NFU1: variants seen among roughly 807,000 people sequenced by gnomAD.
The protein encoded by NFU1 is NFU1 iron-sulfur cluster scaffold homolog, mitochondrial.
NFU1 carries 30 observed loss-of-function variants against 32.2 expected under a neutral mutation model. The ratio of observed to expected loss-of-function variants is 0.93; its 90% CI spans 0.70 to 1.26. NFU1 has a LOEUF of 1.26. NFU1 is among the 50% of genes most tolerant of loss of function. The probability of loss-of-function intolerance (pLI) is 0.00; values close to 1 mark genes in which losing one functional copy is unlikely to be tolerated. For synonymous variants in NFU1, 112 were observed against 104.6 expected, an observed-to-expected ratio of 1.07 and a Z score of -0.43; for missense variants, 306 against 306.6, an observed-to-expected ratio of 1.00 and a Z score of 0.02.
chr2:69,432,227 A>T (rs1399750858), intron 1 of NFU1, among the ~76,000 whole-genome samples: 1 of 152,244 alleles, frequency 6.6e-6, no homozygotes, highest in Non-Finnish European at 1.5e-5. Context: ...TCAAATGGAA[A>T]TTCCTACCCT....
chr2:69,409,806 C>A (rs1345793003), intron 5 of NFU1, among the ~76,000 whole-genome samples: 3 of 152,162 alleles, frequency 2.0e-5, no homozygotes, highest in Non-Finnish European at 4.4e-5. Flanking sequence ...GGGCATTCAT[C>A]TACTATTGAG....
At chr2:69,421,163 C>T (rs1673226048) in intron 3 of NFU1, among the ~76,000 whole-genome samples, 1 of 151,868 alleles carries the variant, frequency 6.6e-6, no homozygotes, top group African/African-American at 2.4e-5. Flanking sequence ...AAGATCACGC[C>T]ATCACACTCC....
chr2:69,416,481 A>C (rs1369475198), intron 4 of NFU1, among the ~76,000 whole-genome samples: 2 of 151,252 alleles, frequency 1.3e-5, no homozygotes, highest in African/African-American at 4.9e-5. Flanking sequence ...TCTGTCTTTA[A>C]AGAAGATGAT....
intron 2 of NFU1, among the ~76,000 whole-genome samples, chr2:69,429,490 A>G (rs956636413): frequency 6.6e-6 from 1 of 152,082 alleles, no homozygotes; most frequent in African/African-American, 2.4e-5. Flanking sequence ...GAGCCCAGGC[A>G]GTAGAAAATG....
intron 4 of NFU1, among the ~76,000 whole-genome samples, chr2:69,418,114 G>GT (rs1474995751): frequency 2.1e-5 from 1 of 47,778 alleles, no homozygotes; most frequent in Non-Finnish European, 4.4e-5. Context: ...ACTGAAGAAT[G>GT]GGGGGCTGGA....
upstream of NFU1, chr2:69,437,772 CCCT>C (rs1259121241): frequency 1.8e-5 from 8 of 436,726 alleles, no homozygotes; most frequent in Non-Finnish European, 3.0e-5. Context: ...CTGACCCATT[CCCT>C]CCTCTAGGAC....
upstream of NFU1, among the ~76,000 whole-genome samples, chr2:69,439,252 T>C (rs1351016611): frequency 6.6e-6 from 1 of 152,166 alleles, no homozygotes; most frequent in African/African-American, 2.4e-5. Context: ...TCTGTGCTAC[T>C]GTGTCCGGAA....
At position 69,432,270 on chromosome 2, in the gene NFU1, T is replaced by A. The variant is rs7595167; in HGVS notation, c.63-265A>T. Among the ~76,000 whole-genome samples, 69,163 of 152,002 alleles carry A rather than the reference T, an allele frequency of 0.46. 16,190 individuals carry two copies. Among genetic ancestry groups the A allele is most frequent in the African/African-American group, 0.56 (23,232 of 41,450 alleles). On this transcript the variant is annotated intron_variant, in intron 1 of 7. Coordinates refer to ENST00000410022, the MANE Select transcript of NFU1 (RefSeq NM_001002755.4). The stretch of plus-strand genomic sequence containing the variant: ...CGGGTGTGCACAGGATAATATAACA[T>A]TGAGGTATAAGAAACAGAATTGGGC...
At chr2:69,399,338 C>G (rs1408111393) in intron 7 of NFU1, 1 of 455,116 alleles carries the variant, frequency 2.2e-6, no homozygotes, top group Admixed American at 2.4e-5. Flanking sequence ...AGAATCACTG[C>G]AGTGAGACTC....
At position 69,423,941 on chromosome 2, in the gene NFU1, G is replaced by A. The variant is rs189603762; in HGVS notation, c.167-224C>T. ...TGTAATCCCAGCACTTAGGGAGGCCGAGGCGGGTGGATTACGAGGTCAGGA... is the reference window on the plus strand; with the variant it reads ...TGTAATCCCAGCACTTAGGGAGGCCAAGGCGGGTGGATTACGAGGTCAGGA... On this transcript the variant is annotated intron_variant, in intron 2 of 7. Transcript: ENST00000410022. 3.1e-4 allele frequency among the ~76,000 whole-genome samples: 47 copies of A among 151,826 alleles called. No homozygotes were observed. The East Asian group carries it at 8.7e-3, about 28-fold the overall frequency.
Position 69,419,520 on chromosome 2 carries a change from A to G in NFU1, c.369+18T>C, listed in dbSNP as rs776568167. On this transcript the variant is annotated intron_variant, in intron 4 of 7. Coordinates refer to ENST00000410022, the MANE Select transcript of NFU1 (RefSeq NM_001002755.4). ...TGAAGAGTATTTCAAGTCTTATTTT[A>G]TATAATCCTATGTTTACCTTTGTGA... 3 of 1,405,766 alleles carry G rather than the reference A, an allele frequency of 2.1e-6. No homozygotes were observed. Among genetic ancestry groups the G allele is most frequent in the South Asian group, 1.2e-5 (1 of 83,736 alleles). The allele number at this position is 1,405,766 out of a possible 1,614,324, so 87.1% of individuals were successfully genotyped here. A position where few individuals can be genotyped will look rare whatever the true frequency, so the allele number is the denominator to read the frequency against.
intron 4 of NFU1, among the ~76,000 whole-genome samples, chr2:69,419,292 A>T (rs963781741): frequency 6.6e-6 from 1 of 151,912 alleles, no homozygotes; most frequent in Non-Finnish European, 1.5e-5. Flanking sequence ...GCACCATCAC[A>T]CTCCAGCCTG....
chr2:69,414,541 C>T (rs899385867), intron 5 of NFU1, among the ~76,000 whole-genome samples: 1 of 147,782 alleles, frequency 6.8e-6, no homozygotes, highest in Non-Finnish European at 1.5e-5. Context: ...ACACTTGAAC[C>T]TGGGAGGTGG....
chr2:69,400,827 A>C (rs1387341718), intron 6 of NFU1, among the ~76,000 whole-genome samples: 1 of 152,168 alleles, frequency 6.6e-6, no homozygotes, highest in Non-Finnish European at 1.5e-5. Context: ...GCTCACACCT[A>C]TATTCCCAGC....
chr2:69,436,584 A>G (rs1163007996), intron 1 of NFU1, among the ~76,000 whole-genome samples: 2 of 152,204 alleles, frequency 1.3e-5, no homozygotes, highest in Non-Finnish European at 2.9e-5. Flanking sequence ...GAGGTAACTA[A>G]CAAAAAATTC....
intron 6 of NFU1, 108 bp from the exon 7 acceptor site, chr2:69,400,646 G>C: frequency 1.1e-6 from 1 of 918,688 alleles, no homozygotes; most frequent in Non-Finnish European, 1.7e-6. Flanking sequence ...AATTCACAAA[G>C]TTAGAGCTAC....
At chr2:69,400,269 CAA>C in intron 7 of NFU1, 93 bp downstream of exon 7, 1 of 1,173,110 alleles carries the variant, frequency 8.5e-7, no homozygotes, top group Non-Finnish European at 1.3e-6. Flanking sequence ...AACTTCTTTT[CAA>C]ATACTTGCCT....
At chr2:69,400,074 T>G (rs1672470488) in intron 7 of NFU1, among the ~76,000 whole-genome samples, 1 of 152,128 alleles carries the variant, frequency 6.6e-6, no homozygotes. Context: ...GTTTTCTCCA[T>G]GTTGGTCAGG....
rs1256318399 is a variant in NFU1, at chr2:69,423,592, G to C, written c.292C>G (p.Pro98Ala). ...AAAACAGTAATATACCTAGCCAGAG[G>C]GGAGCGAAATGCTGCAGCTGGGGTG... The part of the protein sequence containing the change: ...FPTPAAAFRS[P>A]LARQLFRIEG... Residue 98 changes from proline to alanine, a missense_variant, in exon 3 of 8, where the codon CCT becomes GCT. By Grantham distance (27) the Pro-to-Ala change is conservative (BLOSUM62 -1). Coordinates refer to ENST00000410022, the MANE Select transcript of NFU1 (RefSeq NM_001002755.4). The C allele has an allele frequency of 2.5e-6, 4 of 1,613,400 alleles. No individual in the cohort carries two copies. The African/African-American group carries it at 5.3e-5, about 22-fold the overall frequency.
Sources: gnomAD v4.1 joint callset for allele counts (sites outside exome capture counted in the v4.1 genomes callset) on GRCh38, gnomAD v4.1.1 for gene constraint, MANE v1.5 for transcripts, NCBI Gene and HGNC (gene_info 2026-07-23, HGNC 2026-07-21) for gene names.